Variants in TMEM63B observed in about 807,000 individuals in gnomAD.
TMEM63B encodes mechanosensitive cation channel TMEM63B.
TMEM63B carries 23 observed loss-of-function variants against 102.6 expected under a neutral mutation model. The ratio of observed to expected loss-of-function variants is 0.22; its 90% CI spans 0.16 to 0.32. The LOEUF is 0.32. Among genes scored for constraint, TMEM63B ranks in the 10% least tolerant of loss-of-function variants. TMEM63B has a pLI of 1.00. For missense variants in TMEM63B, 628 were observed against 1,095.9 expected (o/e 0.57, Z 6.03); for synonymous variants, 444 against 437.0 (o/e 1.02, Z -0.20).
At chr6:44,154,473 C>T in intron 23 of TMEM63B, 28 bp downstream of exon 23, 2 of 1,612,204 alleles carry the variant, frequency 1.2e-6, no homozygotes, top group East Asian at 4.5e-5. Flanking sequence ...TTGGGAGGGG[C>T]CTCTGACAGA....
chr6:44,138,676 G>A (rs1247881928), intron 6 of TMEM63B, 159 bp downstream of exon 6: 2 of 729,570 alleles, frequency 2.7e-6, no homozygotes, highest in Non-Finnish European at 4.6e-6. Context: ...GGGTGCCTGA[G>A]CCTCTGCTGT....
At chr6:44,140,029 C>T (rs1376795345) in intron 8 of TMEM63B, among the ~76,000 whole-genome samples, 3 of 152,006 alleles carry the variant, frequency 2.0e-5, no homozygotes, top group Non-Finnish European at 4.4e-5. Flanking sequence ...GTGGGTAGGG[C>T]GTAGAAAGGT....
intron 15 of TMEM63B, chr6:44,149,192 G>A (rs939363932): frequency 3.5e-6 from 2 of 575,034 alleles, no homozygotes; most frequent in Admixed American, 6.1e-5. Flanking sequence ...CCTGCATTTA[G>A]TCCTGATCTC....
intron 1 of TMEM63B, among the ~76,000 whole-genome samples, chr6:44,133,776 C>T (rs1762396829): frequency 6.6e-6 from 1 of 152,254 alleles, no homozygotes; most frequent in Admixed American, 6.5e-5. Context: ...AGTGGAAAAG[C>T]TTGCCGTAGG....
Position 44,154,942 on chromosome 6 carries a change from C to T in TMEM63B, c.*59C>T. 2 of 1,401,844 alleles carry T rather than the reference C, an allele frequency of 1.4e-6. No homozygotes were observed. The highest frequency in any genetic ancestry group is 1.9e-6 in the Non-Finnish European group (2 of 1,053,600). 86.8% of individuals were successfully genotyped at this position (1,401,844 alleles called of 1,614,324 possible). A position where few individuals can be genotyped will look rare whatever the true frequency, so the allele number is the denominator to read the frequency against. ...CCCACCCCACCCCCACTCCCACGGA[C>T]ACTAAAACGCTAATAATTTATTAGA... On this transcript the variant is annotated 3_prime_UTR_variant, in exon 24 of 24. Transcript: ENST00000323267.
chr6:44,129,378 AAAAAG>A (rs1471418222), intron 1 of TMEM63B, among the ~76,000 whole-genome samples: 5 of 151,392 alleles, frequency 3.3e-5, no homozygotes, highest in African/African-American at 9.8e-5. Context: ...AAAAAAAAAA[AAAAAG>A]AAAGAAAAGA....
chr6:44,140,378 C>T lies in TMEM63B; in HGVS notation c.711+18C>T. On this transcript the variant is annotated intron_variant, in intron 9 of 23. Coordinates refer to ENST00000323267, the MANE Select transcript of TMEM63B (RefSeq NM_018426.3). ...ATGATCTGGTGCGTGGAGCAGAGCC[C>T]AGGTCCTGCCCCATCCCCAGCCTCT... is the stretch of plus-strand genomic sequence containing the variant. 6.3e-7 allele frequency: 1 copy of T among 1,589,356 alleles called. No individual in the cohort carries two copies. The highest frequency in any genetic ancestry group is 8.6e-7 in the Non-Finnish European group (1 of 1,158,396).
chr6:44,147,467 C>T lies in TMEM63B; in HGVS notation c.954C>T (p.His318=), dbSNP rs1289679081. 1.2e-6 allele frequency: 2 copies of T among 1,614,168 alleles called. No homozygotes were observed. The highest frequency in any genetic ancestry group is 1.3e-5 in the African/African-American group (1 of 75,042). Residue 318 remains histidine (H), a synonymous_variant, in exon 12 of 24, where the codon CAC becomes CAT. Transcript: ENST00000323267. ...PTMINPKPCG[H]LCCCVVRGCE... is the part of the protein sequence containing the mutation. ...TGATCAACCCCAAGCCCTGTGGCCA[C>T]CTCTGCTGCTGTGTGGTGCGAGGCT...
chr6:44,140,245 C>T lies in TMEM63B; in HGVS notation c.603-7C>T, dbSNP rs1381722206. ...TGGCTCCCATGTATCCTCTCTGCTTCTCCCAGGAACAACCTGCTATGGCTG... is the reference window on the plus strand; with the variant it reads ...TGGCTCCCATGTATCCTCTCTGCTTTTCCCAGGAACAACCTGCTATGGCTG... On this transcript the variant is annotated splice_polypyrimidine_tract_variant and splice_region_variant and intron_variant, in intron 8 of 23. Transcript: ENST00000323267. 1 of 1,612,632 alleles carries T rather than the reference C, an allele frequency of 6.2e-7. No individual in the cohort carries two copies. The highest frequency in any genetic ancestry group is 1.7e-5 in the Admixed American group (1 of 60,000).
Position 44,150,511 on chromosome 6 carries a change from G to C in TMEM63B, c.1608-53G>C. On this transcript the variant is annotated intron_variant, in intron 17 of 23. Coordinates refer to ENST00000323267, the MANE Select transcript of TMEM63B (RefSeq NM_018426.3). The surrounding 1 kb of genome is among the most constrained non-coding windows in gnomAD (Gnocchi z 4.7). The stretch of plus-strand genomic sequence containing the variant: ...ACAGAGGAGGGACTTCCCCTCCCCT[G>C]GTGTTCTGTACCACTCCAGCTCCCA... 6.3e-7 allele frequency: 1 copy of C among 1,598,668 alleles called. No homozygotes were observed. The highest frequency in any genetic ancestry group is 1.1e-5 in the South Asian group (1 of 90,570).
rs1485706745 is a variant in TMEM63B, at chr6:44,152,097, A to C, written c.1836+89A>C. On this transcript the variant is annotated intron_variant, in intron 19 of 23. Transcript: ENST00000323267. This position sits in a 1 kb window ranked among gnomAD's most constrained non-coding sequence, Gnocchi z 6.4. ...AGCCATCGCGCTAGGGTTGAGGGGC[A>C]CAGGAGGGCTGAGACTTGGGGAGTA... The C allele has an allele frequency of 6.9e-7, 1 of 1,446,956 alleles. No individual in the cohort carries two copies. The highest frequency in any genetic ancestry group is 1.4e-5 in the African/African-American group (1 of 69,570). The allele number at this position is 1,446,956 out of a possible 1,614,324, so 89.6% of individuals were successfully genotyped here.
intron 15 of TMEM63B, 103 bp from the exon 16 acceptor site, chr6:44,149,756 A>AGAGTTGTGAGTTGT (rs1345627308): frequency 3.3e-5 from 28 of 861,066 alleles, no homozygotes; most frequent in Non-Finnish European, 4.7e-5. Context: ...GGGAGCCCTG[A>AGAGTTGTGAGTTGT]GAGTTGTGAG....
rs148358055 is a variant in TMEM63B at position 44,129,531 on chromosome 6, C to G, written c.-25+1853C>G. 5.3e-5 allele frequency among the ~76,000 whole-genome samples: 8 copies of G among 152,166 alleles called. No individual in the cohort carries two copies. In the East Asian group the frequency reaches 1.4e-3, roughly 26 times the overall value. The stretch of plus-strand genomic sequence containing the variant: ...GGTTATCATCTCTGAACTTCTGACC[C>G]ATAACTCTCCCATGCCTCCACCTCC... On this transcript the variant is annotated intron_variant, in intron 1 of 23. Coordinates refer to ENST00000323267, the MANE Select transcript of TMEM63B (RefSeq NM_018426.3).
Position 44,154,743 on chromosome 6 carries a change from G to A in TMEM63B, c.2359G>A (p.Gly787Arg), listed in dbSNP as rs763491659. The change falls in exon 24 of 24, where the codon GGG becomes AGG. Residue 787 changes from glycine to arginine, a missense_variant. Physicochemically the swap from Gly to Arg is moderately radical, Grantham distance 125. Around this residue, in one of 6 missense-constraint regions of TMEM63B, gnomAD observed 129 missense variants for 153.5 expected, o/e 0.84. Coordinates refer to ENST00000323267, the MANE Select transcript of TMEM63B (RefSeq NM_018426.3). ...QDSEVDGDGD[G>R]APGSSGDEPP... is the part of the protein sequence containing the mutation. ...CTCAGAGGTGGACGGGGATGGGGAT[G>A]GGGCTCCTGGGAGCTCAGGGGATGA... 14 of 1,593,068 alleles carry A rather than the reference G, an allele frequency of 8.8e-6. No individual in the cohort carries two copies. Among genetic ancestry groups the A allele is most frequent in the African/African-American group, 4.1e-5 (3 of 73,950 alleles).
intron 16 of TMEM63B, 21 bp downstream of exon 16, chr6:44,149,986 C>G: frequency 6.2e-7 from 1 of 1,602,284 alleles, no homozygotes; most frequent in Non-Finnish European, 8.5e-7. Context: ...TCCACTCACA[C>G]CACACCTCGC....
intron 1 of TMEM63B, among the ~76,000 whole-genome samples, chr6:44,130,547 T>C (rs1318245260): frequency 2.6e-5 from 4 of 151,228 alleles, no homozygotes; most frequent in African/African-American, 9.7e-5. Context: ...TCAGGTGATC[T>C]TCGCACCTCA....
intron 10 of TMEM63B, 125 bp downstream of exon 10, chr6:44,141,223 C>T (rs973872839): frequency 3.1e-6 from 3 of 967,462 alleles, no homozygotes; most frequent in African/African-American, 3.4e-5. Context: ...AGATTAGATC[C>T]AGGAAGAAAT....
intron 1 of TMEM63B, among the ~76,000 whole-genome samples, chr6:44,129,329 C>T (rs1481807753): frequency 7.0e-6 from 1 of 141,960 alleles, no homozygotes; most frequent in Non-Finnish European, 1.5e-5. Flanking sequence ...GATTGTGGCA[C>T]TTCACTCCAG....
At chr6:44,149,344 A>G (rs1766098031) in intron 15 of TMEM63B, 3 of 336,204 alleles carry the variant, frequency 8.9e-6, no homozygotes, top group Non-Finnish European at 5.7e-6. Context: ...CGATGACAGT[A>G]GGGTGGCATG....
Sources: allele counts gnomAD v4.1 joint callset (sites outside exome capture counted in the v4.1 genomes callset), GRCh38; gene constraint gnomAD v4.1.1; regional missense constraint gnomAD v4.1.1; non-coding constraint Gnocchi (gnomAD v3.1); transcripts MANE v1.5; gene names NCBI Gene and HGNC (gene_info 2026-07-23, HGNC 2026-07-21).